Variants in PLA2G2C observed in about 807,000 individuals in gnomAD.
PLA2G2C encodes the protein phospholipase A2 group IIC, also known as putative inactive group IIC secretory phospholipase A2.
Under a neutral mutation model 14.3 loss-of-function variants are expected in PLA2G2C, and 15 were observed. The observed-to-expected ratio is 1.05, with a 90% CI of 0.70 to 1.62. The LOEUF is 1.62. Ranked by LOEUF, PLA2G2C falls within the 40% of genes most tolerant of loss-of-function variation. The pLI is 0.00. For synonymous variants in PLA2G2C, 79 were observed against 67.7 expected (o/e 1.17, Z -0.82); for missense variants, 162 against 173.2 (o/e 0.94, Z 0.36).
intron 1 of PLA2G2C, among the ~76,000 whole-genome samples, chr1:20,182,367 G>C (rs1433255757): frequency 3.9e-5 from 6 of 152,018 alleles, no homozygotes; most frequent in Non-Finnish European, 8.8e-5. Flanking sequence ...ACTTACTATT[G>C]TGTTACAATT....
At position 20,179,212 on chromosome 1, in the gene PLA2G2C, C is replaced by CTCTGTGTG. The variant is rs1553184473; in HGVS notation, c.-76-1774_-76-1773insCACACAGA. 1.1e-3 allele frequency among the ~76,000 whole-genome samples: 165 copies of CTCTGTGTG among 149,864 alleles called. 1 individual carries two copies. The highest frequency in any genetic ancestry group is 3.9e-3 in the African/African-American group (161 of 40,998). On this transcript the variant is annotated intron_variant, in intron 1 of 4. Transcript: ENST00000679259. ...CAACTTCCCCTCTATGTCAGTTTCT[C>CTCTGTGTG]TGTGTGTGTGTGTGTGTGTGTGTGT... is the stretch of plus-strand genomic sequence containing the variant.
intron 4 of PLA2G2C, among the ~76,000 whole-genome samples, chr1:20,164,950 G>A (rs931957413): frequency 1.3e-5 from 2 of 152,188 alleles, no homozygotes; most frequent in African/African-American, 4.8e-5. Flanking sequence ...AATAAGCAGG[G>A]ACCTTCTCAA....
chr1:20,179,899 CCTCT>C (rs2018254047), intron 1 of PLA2G2C, among the ~76,000 whole-genome samples: 1 of 151,188 alleles, frequency 6.6e-6, no homozygotes, highest in South Asian at 2.1e-4. Context: ...TCAGCTTCTC[CCTCT>C]GTGTCAGCTT....
chr1:20,166,043 G>A (rs1399780771), intron 4 of PLA2G2C, among the ~76,000 whole-genome samples: 2 of 152,218 alleles, frequency 1.3e-5, no homozygotes, highest in African/African-American at 4.8e-5. Flanking sequence ...TGGGGTGGTG[G>A]TGAGGGTCAC....
At chr1:20,173,970 C>G (rs964271357) in intron 3 of PLA2G2C, among the ~76,000 whole-genome samples, 1 of 152,330 alleles carries the variant, frequency 6.6e-6, no homozygotes, top group Admixed American at 6.5e-5. Flanking sequence ...AACTCTGCCA[C>G]TTAGAAGCTG....
intron 4 of PLA2G2C, among the ~76,000 whole-genome samples, chr1:20,165,816 T>C (rs1311699931): frequency 6.6e-6 from 1 of 152,104 alleles, no homozygotes. Context: ...TGTGCGTGTG[T>C]GTGTGTGTGC....
chr1:20,171,862 C>A (rs1375610245), intron 4 of PLA2G2C, among the ~76,000 whole-genome samples: 1 of 149,588 alleles, frequency 6.7e-6, no homozygotes, highest in Non-Finnish European at 1.5e-5. Context: ...CCCGGGTTCA[C>A]GCCATTCTCC....
In PLA2G2C at chr1:20,172,871, T is replaced by C. The variant is rs769922331; in HGVS notation, c.206A>G (p.Tyr69Cys). 1.4e-5 allele frequency: 23 copies of C among 1,613,650 alleles called. No homozygotes were observed. The highest frequency in any genetic ancestry group is 1.7e-4 in the Middle Eastern group (1 of 6,058). ...DRHSPSSPSP[Y>C]EKLKEFSCQP... ...GCAGCTGAACTCCTTCAGCTTCTCG[T>C]AGGGAGAGGGAGATGAGGGGCTGTG... Residue 69 changes from tyrosine to cysteine, a missense_variant, in exon 4 of 5, where the codon TAC (tyrosine) becomes TGC (cysteine). Transcript: ENST00000679259.
chr1:20,174,271 A>G (rs1289620206), intron 3 of PLA2G2C, among the ~76,000 whole-genome samples: 1 of 152,162 alleles, frequency 6.6e-6, no homozygotes, highest in Non-Finnish European at 1.5e-5. Flanking sequence ...GGCAAGGAAC[A>G]TTTTGCTTTC....
intron 4 of PLA2G2C, among the ~76,000 whole-genome samples, chr1:20,167,008 G>A (rs891636094): frequency 2.0e-5 from 3 of 152,212 alleles, no homozygotes; most frequent in African/African-American, 4.8e-5. Flanking sequence ...TGCTAATGGA[G>A]AAACTGAGGC....
At chr1:20,179,735 AGTGT>A (rs3035013) in intron 1 of PLA2G2C, among the ~76,000 whole-genome samples, 7,753 of 111,370 alleles carry the variant, frequency 0.07, 224 homozygotes, top group East Asian at 0.081. Flanking sequence ...CCTCTATGTC[AGTGT>A]GTGTGTGTGT....
intron 1 of PLA2G2C, among the ~76,000 whole-genome samples, chr1:20,185,827 T>TA (rs2018364976): frequency 6.6e-6 from 1 of 151,968 alleles, no homozygotes; most frequent in Non-Finnish European, 1.5e-5. Context: ...CGGCCAGGGC[T>TA]CTCCCTCTCC....
intron 4 of PLA2G2C, among the ~76,000 whole-genome samples, chr1:20,172,450 T>G (rs781444425): frequency 6.6e-6 from 1 of 152,148 alleles, no homozygotes; most frequent in African/African-American, 2.4e-5. Flanking sequence ...GCCGTTTTGT[T>G]AACAAAATCA....
rs2018158472 is a variant in PLA2G2C at position 20,175,098 on chromosome 1, T to C, written c.88A>G (p.Ile30Val). Residue 30 changes from isoleucine (I) to valine (V), a missense_variant, in exon 3 of 5, where the codon ATC becomes GTC. Physicochemically the swap from Ile to Val is conservative, Grantham distance 29. Transcript: ENST00000679259. ...GAGAAGAAGGCACTTCGCCCCGTGA[T>C]GTGTTTGACCCTCCTCTGAAACTGC... is the stretch of plus-strand genomic sequence containing the variant. ...FWQFQRRVKH[I>V]TGRSAFFSYY... 1 of 1,613,880 alleles carries C rather than the reference T, an allele frequency of 6.2e-7. No homozygotes were observed. The highest frequency in any genetic ancestry group is 8.5e-7 in the Non-Finnish European group (1 of 1,179,844).
Position 20,171,158 on chromosome 1 carries a change from C to T in PLA2G2C, c.283+1636G>A, listed in dbSNP as rs902271691. Among the ~76,000 whole-genome samples, 4 of 144,302 alleles carry T rather than the reference C, an allele frequency of 2.8e-5. 1 individual carries two copies. Among genetic ancestry groups the T allele is most frequent in the East Asian group, 2.0e-4 (1 of 4,962 alleles). 94.7% of individuals were successfully genotyped at this position (144,302 alleles called of 152,430 possible). On this transcript the variant is annotated intron_variant, in intron 4 of 4. Coordinates refer to ENST00000679259, the MANE Select transcript of PLA2G2C (RefSeq NM_001367969.2). Reference sequence around the variant, plus strand: ...AGGTGGGAAGAGGCCATGGGAAACTCGATCCCTGGAGGCCACCTTCTCCAG... The same window carrying T: ...AGGTGGGAAGAGGCCATGGGAAACTTGATCCCTGGAGGCCACCTTCTCCAG...
Position 20,172,740 on chromosome 1 carries a change from C to T in PLA2G2C, c.283+54G>A, listed in dbSNP as rs114411177. On this transcript the variant is annotated intron_variant, in intron 4 of 4. Coordinates refer to ENST00000679259, the MANE Select transcript of PLA2G2C (RefSeq NM_001367969.2). ...ATCTCTGGGTCAAAGAGGAGGTGAA[C>T]GTTAAGGAAAGGCCCAGGTTAAAAG... The T allele has an allele frequency of 1.8e-3, 2,618 of 1,448,576 alleles. 33 individuals carry two copies. The African/African-American group carries it at 0.029, about 16-fold the overall frequency. The allele number at this position is 1,448,576 out of a possible 1,614,324, so 89.7% of individuals were successfully genotyped here.
chr1:20,170,714 C>CTTTAGG (rs2018059386), intron 4 of PLA2G2C, among the ~76,000 whole-genome samples: 1 of 95,536 alleles, frequency 1.0e-5, no homozygotes. Flanking sequence ...GGTGCTGATG[C>CTTTAGG]CCTGGTACTG....
chr1:20,180,726 T>C (rs1446482074), intron 1 of PLA2G2C, among the ~76,000 whole-genome samples: 2 of 152,200 alleles, frequency 1.3e-5, no homozygotes, highest in African/African-American at 4.8e-5. Flanking sequence ...ACGATTGTGC[T>C]GAAGCTAAAG....
Position 20,175,040 on chromosome 1 carries a change from C to T in PLA2G2C, c.146G>A (p.Gly49Glu). The stretch of plus-strand genomic sequence containing the variant: ...GTCATCCACGGGGATCCCTTTATCC[C>T]CAAGCCCACAGTAGCAGCCATATCC... ...YYGYGCYCGL[G>E]DKGIPVDDTD... Residue 49 changes from glycine (G) to glutamate (E), a missense_variant, in exon 3 of 5, where the codon GGG (glycine) becomes GAG (glutamate). Coordinates refer to ENST00000679259, the MANE Select transcript of PLA2G2C (RefSeq NM_001367969.2). The T allele has an allele frequency of 6.2e-7, 1 of 1,613,916 alleles. No homozygotes were observed. The highest frequency in any genetic ancestry group is 8.5e-7 in the Non-Finnish European group (1 of 1,179,854).
Sources: allele counts gnomAD v4.1 joint callset (sites outside exome capture counted in the v4.1 genomes callset), GRCh38; gene constraint gnomAD v4.1.1; transcripts MANE v1.5; gene names NCBI Gene and HGNC (gene_info 2026-07-23, HGNC 2026-07-21).